The following LRRC4C variants were observed in gnomAD, a reference collection of about 807,000 sequenced individuals.
LRRC4C encodes the protein leucine-rich repeat-containing protein 4C.
A neutral mutation model predicts 33.6 loss-of-function variants in LRRC4C; 5 were observed. That is an observed-to-expected ratio of 0.15 (90% CI 0.08 to 0.31). The LOEUF (loss-of-function observed/expected upper bound fraction) is 0.31. Ranked by LOEUF, LRRC4C falls within the 10% of genes least tolerant of loss-of-function variation. LRRC4C has a pLI of 1.00. For missense variants in LRRC4C, 560 were observed against 796.7 expected (o/e 0.70, Z 3.58); for synonymous variants, 329 against 302.0 (o/e 1.09, Z -0.93).
chr11:41,406,604 G>A (rs1273865454), intron 1 of LRRC4C, among the ~76,000 whole-genome samples: 1 of 151,458 alleles, frequency 6.6e-6, no homozygotes, highest in Non-Finnish European at 1.5e-5. Flanking sequence ...GCTTCTCTCA[G>A]GCTTGAAGAG....
intron 3 of LRRC4C, among the ~76,000 whole-genome samples, chr11:40,603,126 A>T (rs1167258348): frequency 6.6e-6 from 1 of 152,202 alleles, no homozygotes; most frequent in Non-Finnish European, 1.5e-5. Context: ...GGAGGGAATG[A>T]GCCTGAGGAC....
Position 40,735,987 on chromosome 11 carries a change from C to T in LRRC4C, c.-406-87709G>A, listed in dbSNP as rs59717939. 9.1e-3 allele frequency among the ~76,000 whole-genome samples: 1,349 copies of T among 147,574 alleles called. 23 individuals carry two copies. The highest frequency in any genetic ancestry group is 0.033 in the African/African-American group (1,281 of 39,084). On this transcript the variant is annotated intron_variant, in intron 2 of 6. Transcript: ENST00000528697. ...GAGAAGTGTCCGTTCATGTCCTTCG[C>T]CCACTTATTGATGGGGTTGTTTTTT...
rs143833149 is a variant in LRRC4C, at chr11:40,942,290, G to C, written c.-495-8567C>G. Among the ~76,000 whole-genome samples the C allele has an allele frequency of 6.9e-3, 1,044 of 152,290 alleles. 16 individuals carry two copies. Among genetic ancestry groups the C allele is most frequent in the African/African-American group, 0.024 (997 of 41,568 alleles). ...GCAAAAGACCCATTGGATCTTAAGA[G>C]CAGCTTCTAGGACTATCAGTCAATT... On this transcript the variant is annotated intron_variant, in intron 1 of 6. Transcript: ENST00000528697.
rs532704069 is a variant in LRRC4C, at chr11:40,949,614, C to T, written c.-495-15891G>A. Among the ~76,000 whole-genome samples the T allele has an allele frequency of 1.7e-3, 256 of 152,104 alleles. 1 individual carries two copies. Among genetic ancestry groups the T allele is most frequent in the African/African-American group, 5.8e-3 (240 of 41,500 alleles). On this transcript the variant is annotated intron_variant, in intron 1 of 6. Coordinates refer to ENST00000528697, the MANE Select transcript of LRRC4C (RefSeq NM_001258419.2). ...ACCCAGAATTTCATATCCAGCCAAA[C>T]TAAGCTTCATAACTGAAGGAGAAAT... is the stretch of plus-strand genomic sequence containing the variant.
intron 3 of LRRC4C, among the ~76,000 whole-genome samples, chr11:40,483,771 GTGTATATATATGTATATATA>G (rs59423655): frequency 9.4e-5 from 14 of 148,482 alleles, no homozygotes; most frequent in South Asian, 2.1e-4. Context: ...GGCAAGAAAT[GTGTATATATATGTATATATA>G]TGTATATATA....
chr11:40,503,337 A>G (rs1954870570), intron 3 of LRRC4C, among the ~76,000 whole-genome samples: 1 of 152,232 alleles, frequency 6.6e-6, no homozygotes, highest in Non-Finnish European at 1.5e-5. Context: ...ACCTGGAACC[A>G]TGCCTAGCAT....
At chr11:40,591,991 C>A (rs1035089877) in intron 3 of LRRC4C, among the ~76,000 whole-genome samples, 1 of 152,288 alleles carries the variant, frequency 6.6e-6, no homozygotes, top group East Asian at 1.9e-4. Flanking sequence ...AGCTCTTGAA[C>A]CACTTCTGGT....
At chr11:40,525,261 A>G (rs1446000981) in intron 3 of LRRC4C, among the ~76,000 whole-genome samples, 2 of 152,170 alleles carry the variant, frequency 1.3e-5, no homozygotes, top group Non-Finnish European at 2.9e-5. Context: ...CCTGGCTAAC[A>G]CAGTGAAACT....
intron 5 of LRRC4C, among the ~76,000 whole-genome samples, chr11:40,146,082 C>G (rs1411747646): frequency 1.3e-5 from 2 of 152,114 alleles, no homozygotes; most frequent in Non-Finnish European, 1.5e-5. Flanking sequence ...ACCTCTTGCT[C>G]TAACTGATCT....
At chr11:41,038,744 A>G (rs1857244392) in intron 1 of LRRC4C, among the ~76,000 whole-genome samples, 1 of 152,218 alleles carries the variant, frequency 6.6e-6, no homozygotes, top group African/African-American at 2.4e-5. Context: ...ACATACATAC[A>G]TACACTCAGC....
chr11:40,330,346 ATAAT>A (rs1352887955), intron 3 of LRRC4C, among the ~76,000 whole-genome samples: 9 of 152,148 alleles, frequency 5.9e-5, no homozygotes, highest in Admixed American at 1.3e-4. Flanking sequence ...TTAACATATA[ATAAT>A]TGTACATATT....
intron 5 of LRRC4C, among the ~76,000 whole-genome samples, chr11:40,158,926 G>T (rs1382315762): frequency 1.3e-5 from 2 of 152,152 alleles, no homozygotes; most frequent in African/African-American, 4.8e-5. Flanking sequence ...CTTCCTGGTT[G>T]ATTAAAATTC....
Position 40,269,331 on chromosome 11 carries a change from T to C in LRRC4C, c.-175-27733A>G, listed in dbSNP as rs549480809. Reference sequence around the variant, plus strand: ...ACATTTATTGAGTTCTTACTATGTGTCAATCAAGTACCTAACACTAATTTT... The same window carrying C: ...ACATTTATTGAGTTCTTACTATGTGCCAATCAAGTACCTAACACTAATTTT... On this transcript the variant is annotated intron_variant, in intron 4 of 6. Transcript: ENST00000528697. Among the ~76,000 whole-genome samples, 29 of 152,328 alleles carry C rather than the reference T, an allele frequency of 1.9e-4. 2 individuals carry two copies. The South Asian group carries it at 6.0e-3, about 32-fold the overall frequency.
At chr11:40,133,854 G>C (rs373813321) in intron 6 of LRRC4C, among the ~76,000 whole-genome samples, 1 of 152,062 alleles carries the variant, frequency 6.6e-6, no homozygotes, top group Non-Finnish European at 1.5e-5. Flanking sequence ...AAAAAAACAG[G>C]CACTTTCCTT....
intron 1 of LRRC4C, among the ~76,000 whole-genome samples, chr11:41,240,029 C>A (rs1339981792): frequency 1.3e-5 from 2 of 152,100 alleles, no homozygotes; most frequent in African/African-American, 4.8e-5. Flanking sequence ...AATGAGCACT[C>A]TTTTAAGTTA....
At chr11:40,325,028 T>G (rs1371282151) in intron 3 of LRRC4C, among the ~76,000 whole-genome samples, 1 of 152,204 alleles carries the variant, frequency 6.6e-6, no homozygotes. Flanking sequence ...TTACTATTAG[T>G]ATAGTTGTAG....
At chr11:40,475,943 G>A (rs1036377163) in intron 3 of LRRC4C, among the ~76,000 whole-genome samples, 1 of 152,100 alleles carries the variant, frequency 6.6e-6, no homozygotes, top group Non-Finnish European at 1.5e-5. Context: ...GTTGACATGT[G>A]AGACTCAATA....
chr11:40,573,184 C>G (rs11827526), intron 3 of LRRC4C, among the ~76,000 whole-genome samples: 2 of 152,154 alleles, frequency 1.3e-5, no homozygotes, highest in African/African-American at 2.4e-5. Context: ...ATTTCTTCAT[C>G]TTTCAGATGT....
intron 1 of LRRC4C, among the ~76,000 whole-genome samples, chr11:41,056,215 GTCTT>G (rs1479425447): frequency 6.6e-6 from 1 of 152,132 alleles, no homozygotes; most frequent in Non-Finnish European, 1.5e-5. Context: ...AATTCATTAA[GTCTT>G]TCTTAAATAT....
Sources: allele counts gnomAD v4.1 joint callset (sites outside exome capture counted in the v4.1 genomes callset), GRCh38; gene constraint gnomAD v4.1.1; transcripts MANE v1.5; gene names NCBI Gene and HGNC (gene_info 2026-07-23, HGNC 2026-07-21).